ALDH1A2: variants seen among roughly 807,000 people sequenced by gnomAD.
ALDH1A2 encodes aldehyde dehydrogenase 1 family member A2, also known as retinal dehydrogenase 2.
In ALDH1A2, 27 loss-of-function variants were observed where a neutral mutation model predicts 60.3. The observed-to-expected ratio is 0.45, with a 90% CI of 0.33 to 0.62. ALDH1A2 has a LOEUF of 0.62. Ranked by LOEUF, ALDH1A2 falls within the 20% of genes least tolerant of loss-of-function variation. The pLI, the probability that ALDH1A2 is intolerant of heterozygous loss-of-function variation, is 0.02. For missense variants in ALDH1A2, 581 were observed against 643.8 expected, an observed-to-expected ratio of 0.90 and a Z score of 1.06; for synonymous variants, 289 against 232.4, an observed-to-expected ratio of 1.24 and a Z score of -2.21.
At chr15:58,064,367 A>C (rs148521085) in intron 1 of ALDH1A2, among the ~76,000 whole-genome samples, 11 of 152,170 alleles carry the variant, frequency 7.2e-5, no homozygotes, top group Admixed American at 2.0e-4. Flanking sequence ...TCAAAACACA[A>C]ATCGCCCTGA....
At chr15:57,961,433 A>G (rs1214987870) in intron 10 of ALDH1A2, 139 bp from the exon 11 acceptor site, 4 of 1,073,024 alleles carry the variant, frequency 3.7e-6, no homozygotes, top group East Asian at 2.6e-5. Flanking sequence ...AAATCTCCCA[A>G]CCTTTCCTAG....
At chr15:58,024,514 A>G (rs1436421273) in intron 1 of ALDH1A2, among the ~76,000 whole-genome samples, 1 of 152,198 alleles carries the variant, frequency 6.6e-6, no homozygotes, top group Non-Finnish European at 1.5e-5. Context: ...ACAAGAGAAT[A>G]TAAAATCTAA....
At position 57,991,210 on chromosome 15, in the gene ALDH1A2, G is replaced by C. The variant is rs1236711606; in HGVS notation, c.798+1495C>G. On this transcript the variant is annotated intron_variant, in intron 7 of 12. Transcript: ENST00000249750. ...CTTTTACAGTTGTCTTAAATTGATT[G>C]CATCTTTAGTTTTTCTTAGCATCTA... 3.3e-5 allele frequency among the ~76,000 whole-genome samples: 5 copies of C among 152,098 alleles called. No individual in the cohort carries two copies. The East Asian group carries it at 9.6e-4, about 29-fold the overall frequency.
intron 1 of ALDH1A2, among the ~76,000 whole-genome samples, chr15:58,022,516 CT>C (rs1232256989): frequency 2.0e-5 from 3 of 152,168 alleles, no homozygotes; most frequent in Non-Finnish European, 4.4e-5. Context: ...TGGTCCACTG[CT>C]GCCACTACCT....
chr15:58,058,035 T>G (rs1398989821), intron 1 of ALDH1A2: 1 of 1,519,646 alleles, frequency 6.6e-7, no homozygotes, highest in South Asian at 1.2e-5. Context: ...ATTGGGGATT[T>G]TAACCAAACA....
intron 4 of ALDH1A2, among the ~76,000 whole-genome samples, chr15:57,996,317 CTCTT>C (rs1895059665): frequency 6.6e-6 from 1 of 151,844 alleles, no homozygotes; most frequent in Non-Finnish European, 1.5e-5. Flanking sequence ...CTCTCTCTCT[CTCTT>C]ACTCTCCCAG....
chr15:57,999,362 A>C lies in ALDH1A2; in HGVS notation c.494-4223T>G, dbSNP rs114418631. 4.2e-3 allele frequency among the ~76,000 whole-genome samples: 644 copies of C among 152,182 alleles called. 6 individuals carry two copies. The highest frequency in any genetic ancestry group is 0.015 in the African/African-American group (624 of 41,538). On this transcript the variant is annotated intron_variant, in intron 4 of 12. Transcript: ENST00000249750. ...AAATTTAGAAGAAAAAAATAACCCC[A>C]TTAAAAAGTGGGCAAAAGGACATGA... is the stretch of plus-strand genomic sequence containing the variant.
chr15:57,960,661 T>G, intron 12 of ALDH1A2, 109 bp downstream of exon 12: 2 of 922,432 alleles, frequency 2.2e-6, no homozygotes, highest in South Asian at 2.8e-5. Context: ...ACGAAATGTT[T>G]GTTGAATGTA....
chr15:58,002,474 T>A (rs1595658051), intron 4 of ALDH1A2, among the ~76,000 whole-genome samples: 1 of 151,952 alleles, frequency 6.6e-6, no homozygotes, highest in Non-Finnish European at 1.5e-5. Flanking sequence ...AAGAAACTGA[T>A]GGAATTTTTA....
At chr15:57,995,684 G>C (rs1164352260) in intron 4 of ALDH1A2, among the ~76,000 whole-genome samples, 1 of 152,040 alleles carries the variant, frequency 6.6e-6, no homozygotes, top group Non-Finnish European at 1.5e-5. Context: ...GGCATGTCCA[G>C]GGCTATTTAA....
chr15:57,963,749 G>T, intron 9 of ALDH1A2, 136 bp downstream of exon 9: 1 of 869,664 alleles, frequency 1.1e-6, no homozygotes, highest in Non-Finnish European at 1.8e-6. Context: ...TCCATTTCCA[G>T]CCACGAAGAC....
intron 1 of ALDH1A2, among the ~76,000 whole-genome samples, chr15:58,039,304 A>G (rs1187788545): frequency 6.6e-6 from 1 of 151,696 alleles, no homozygotes; most frequent in Non-Finnish European, 1.5e-5. Context: ...CCTAGCTCTA[A>G]ATCAGCAAAA....
chr15:57,983,663 A>G (rs1894592445), intron 7 of ALDH1A2, among the ~76,000 whole-genome samples: 1 of 152,192 alleles, frequency 6.6e-6, no homozygotes, highest in South Asian at 2.1e-4. Flanking sequence ...TGATCTTATC[A>G]TCTTGAAAAT....
chr15:57,967,596 T>C (rs1893938169), intron 7 of ALDH1A2, among the ~76,000 whole-genome samples: 1 of 152,142 alleles, frequency 6.6e-6, no homozygotes, highest in Admixed American at 6.5e-5. Context: ...TGCCTCCTCC[T>C]AAAAAAGATT....
chr15:57,993,133 C>G, intron 5 of ALDH1A2, 60 bp from the exon 6 acceptor site: 1 of 1,588,220 alleles, frequency 6.3e-7, no homozygotes, highest in Non-Finnish European at 8.6e-7. Flanking sequence ...ACTTTGTTTT[C>G]AAGCTGTGAC....
intron 7 of ALDH1A2, among the ~76,000 whole-genome samples, chr15:57,978,122 A>G (rs1178518561): frequency 6.6e-6 from 1 of 152,212 alleles, no homozygotes; most frequent in Non-Finnish European, 1.5e-5. Flanking sequence ...TAAATATACA[A>G]TCATGTCATC....
intron 3 of ALDH1A2, among the ~76,000 whole-genome samples, chr15:58,013,646 G>A (rs1480800652): frequency 6.6e-6 from 1 of 152,150 alleles, no homozygotes; most frequent in Admixed American, 6.5e-5. Flanking sequence ...CAGCTACTCA[G>A]GAGGCTGAGG....
At chr15:57,961,941 C>T (rs1233983598) in intron 10 of ALDH1A2, 71 bp downstream of exon 10, 3 of 1,575,394 alleles carry the variant, frequency 1.9e-6, no homozygotes, top group East Asian at 2.2e-5. Flanking sequence ...ACTCTAATAT[C>T]ATCCACTAGA....
At chr15:58,048,514 A>G (rs1472615897) in intron 1 of ALDH1A2, among the ~76,000 whole-genome samples, 1 of 152,058 alleles carries the variant, frequency 6.6e-6, no homozygotes, top group Admixed American at 6.6e-5. Context: ...ACAAGGCCGG[A>G]TCCAAATGAA....
Sources: gnomAD v4.1 joint callset for allele counts (sites outside exome capture counted in the v4.1 genomes callset) on GRCh38, gnomAD v4.1.1 for gene constraint, MANE v1.5 for transcripts, NCBI Gene and HGNC (gene_info 2026-07-23, HGNC 2026-07-21) for gene names.